The following VPS37A variants were observed in gnomAD, a reference collection of about 807,000 sequenced individuals.
VPS37A encodes the protein VPS37A subunit of ESCRT-I.
In VPS37A, 30 loss-of-function variants were observed where a neutral mutation model predicts 49.8. That is an observed-to-expected ratio of 0.60 (90% CI 0.45 to 0.82). The LOEUF (loss-of-function observed/expected upper bound fraction) is 0.82. Among genes scored for constraint, VPS37A ranks in the 40% least tolerant of loss-of-function variants. VPS37A has a pLI of 0.00. For missense variants in VPS37A, 593 were observed against 464.4 expected (o/e 1.28, Z -2.55); for synonymous variants, 195 against 160.6 (o/e 1.21, Z -1.62).
intron 10 of VPS37A, among the ~76,000 whole-genome samples, chr8:17,285,464 T>C (rs1815503476): frequency 1.3e-5 from 2 of 152,268 alleles, no homozygotes; most frequent in South Asian, 4.1e-4. Context: ...AAAAGTCTGC[T>C]TAATAGTTTC....
intron 1 of VPS37A, among the ~76,000 whole-genome samples, chr8:17,255,886 G>T (rs574571090): frequency 4.6e-5 from 7 of 152,046 alleles, no homozygotes; most frequent in Non-Finnish European, 1.0e-4. Flanking sequence ...TTTTTATGGT[G>T]GGATAATATT....
chr8:17,270,117 G>A (rs1363150777), intron 4 of VPS37A, among the ~76,000 whole-genome samples: 1 of 152,030 alleles, frequency 6.6e-6, no homozygotes, highest in Non-Finnish European at 1.5e-5. Context: ...AGCACCAAGA[G>A]GATGGCATTA....
chr8:17,282,153 C>T (rs1361137461), intron 9 of VPS37A, among the ~76,000 whole-genome samples: 1 of 151,780 alleles, frequency 6.6e-6, no homozygotes, highest in Non-Finnish European at 1.5e-5. Context: ...ACTGTAAATC[C>T]TCATTATTTA....
chr8:17,301,438 C>T (rs1251251729), downstream of VPS37A, among the ~76,000 whole-genome samples: 1 of 152,020 alleles, frequency 6.6e-6, no homozygotes, highest in Non-Finnish European at 1.5e-5. Context: ...AGGACAAACA[C>T]AAAGGTAGGA....
At position 17,286,421 on chromosome 8, in the gene VPS37A, A is replaced by T. The variant is rs1318086528; in HGVS notation, c.1188A>T (p.Pro396=). 3 of 1,613,212 alleles carry T rather than the reference A, an allele frequency of 1.9e-6. No individual in the cohort carries two copies. Among genetic ancestry groups the T allele is most frequent in the African/African-American group, 1.3e-5 (1 of 75,028 alleles). The change falls in exon 11 of 12, where the codon CCA becomes CCT. Residue 396 remains proline (P), a synonymous_variant. Transcript: ENST00000324849. The part of the protein sequence containing the change: ...AIAMHSQFHA[P]L ...CAATGCACAGCCAATTTCATGCTCCACTATAGGTAAATTGTATTTCAAGTT... is the reference window on the plus strand; with the variant it reads ...CAATGCACAGCCAATTTCATGCTCCTCTATAGGTAAATTGTATTTCAAGTT...
downstream of VPS37A, chr8:17,302,246 C>G (rs756796900): frequency 3.7e-6 from 6 of 1,614,054 alleles, no homozygotes; most frequent in Admixed American, 1.7e-5. Context: ...GGCTGCATCC[C>G]CTTTTCAAAG....
intron 11 of VPS37A, among the ~76,000 whole-genome samples, chr8:17,292,444 T>C (rs1816240768): frequency 6.6e-6 from 1 of 152,218 alleles, no homozygotes; most frequent in East Asian, 1.9e-4. Context: ...GCCTTTTAAT[T>C]GGGGCATTTA....
chr8:17,318,370 C>G, the VPS37A span, among the ~76,000 whole-genome samples: 1 of 152,178 alleles, frequency 6.6e-6, no homozygotes, highest in East Asian at 1.9e-4. Context: ...TACAGCACAC[C>G]AGTGAACAGC....
chr8:17,298,775 A>AAGAT (rs1481991286), downstream of VPS37A: 3 of 152,590 alleles, frequency 2.0e-5, no homozygotes, highest in Non-Finnish European at 2.9e-5. Context: ...TTTAACTCAT[A>AAGAT]AGATAGGGGA....
chr8:17,307,220 G>A (rs1817511349), downstream of VPS37A, among the ~76,000 whole-genome samples: 1 of 152,164 alleles, frequency 6.6e-6, no homozygotes, highest in African/African-American at 2.4e-5. Context: ...CAAAAAGTGG[G>A]CAAAGGATAT....
At chr8:17,262,136 G>A (rs1813016104) in intron 1 of VPS37A, among the ~76,000 whole-genome samples, 2 of 152,084 alleles carry the variant, frequency 1.3e-5, no homozygotes, top group Admixed American at 6.6e-5. Flanking sequence ...TCACAGGTAT[G>A]GAAGTCCGAT....
chr8:17,270,421 A>T (rs1051392219), intron 4 of VPS37A, among the ~76,000 whole-genome samples: 2 of 152,120 alleles, frequency 1.3e-5, no homozygotes, highest in African/African-American at 4.8e-5. Context: ...TTCAGTGCTG[A>T]TACATCTATA....
intron 1 of VPS37A, among the ~76,000 whole-genome samples, chr8:17,254,377 A>G (rs1015421896): frequency 6.6e-6 from 1 of 152,158 alleles, no homozygotes; most frequent in African/African-American, 2.4e-5. Flanking sequence ...TGCAAATATT[A>G]CTGCTATTTA....
intron 11 of VPS37A, among the ~76,000 whole-genome samples, chr8:17,291,154 A>G (rs1335508541): frequency 1.3e-5 from 2 of 152,136 alleles, no homozygotes; most frequent in Non-Finnish European, 2.9e-5. Context: ...CTGGGATTAT[A>G]GGCATGTGCC....
At chr8:17,300,169 T>C (rs142161778), downstream of VPS37A, 1 of 1,614,020 alleles carries the variant, frequency 6.2e-7, no homozygotes, top group Admixed American at 1.7e-5. Flanking sequence ...GGGCTCACTT[T>C]GCTTACTCTT....
intron 1 of VPS37A, among the ~76,000 whole-genome samples, chr8:17,261,937 G>A (rs1261754126): frequency 6.6e-6 from 1 of 152,176 alleles, no homozygotes; most frequent in South Asian, 2.1e-4. Flanking sequence ...CTGTCCTCAG[G>A]AATATTTCTC....
chr8:17,324,008 C>T, the VPS37A span, among the ~76,000 whole-genome samples: 1 of 152,180 alleles, frequency 6.6e-6, no homozygotes, highest in African/African-American at 2.4e-5. Flanking sequence ...ACTATTCTCT[C>T]ATTAAATAAC....
chr8:17,325,365 T>A, the VPS37A span, among the ~76,000 whole-genome samples: 1 of 152,178 alleles, frequency 6.6e-6, no homozygotes, highest in Admixed American at 6.6e-5. Flanking sequence ...CCATCAGGCC[T>A]CAAAACCTTT....
intron 1 of VPS37A, among the ~76,000 whole-genome samples, chr8:17,258,015 T>C (rs1200196154): frequency 6.6e-6 from 1 of 152,204 alleles, no homozygotes; most frequent in Non-Finnish European, 1.5e-5. Context: ...TGGTTTATCA[T>C]TTCTAACAGG....
Sources: gnomAD v4.1 joint callset for allele counts (sites outside exome capture counted in the v4.1 genomes callset) on GRCh38, gnomAD v4.1.1 for gene constraint, MANE v1.5 for transcripts, NCBI Gene and HGNC (gene_info 2026-07-23, HGNC 2026-07-21) for gene names.